NMNAT3: variants seen among roughly 807,000 people sequenced by gnomAD.
NMNAT3 encodes nicotinamide nucleotide adenylyltransferase 3.
Under a neutral mutation model 24.8 loss-of-function variants are expected in NMNAT3, and 21 were observed. The ratio of observed to expected loss-of-function variants is 0.85; its 90% CI spans 0.60 to 1.22. The LOEUF (loss-of-function observed/expected upper bound fraction) is 1.22, where lower values mean the gene tolerates loss of function less well. Among genes scored for constraint, NMNAT3 ranks in the 50% most tolerant of loss-of-function variants. NMNAT3 has a pLI of 0.00. For missense variants in NMNAT3, 387 were observed against 436.6 expected (o/e 0.89, Z 1.01); for synonymous variants, 136 against 155.2 (o/e 0.88, Z 0.92).
intron 6 of NMNAT3, among the ~76,000 whole-genome samples, chr3:139,572,617 AC>A (rs1239879815): frequency 6.6e-6 from 1 of 152,054 alleles, no homozygotes; most frequent in African/African-American, 2.4e-5. Context: ...GTTGCATGGC[AC>A]CTTTAGGGCC....
At chr3:139,571,305 G>T (rs1295793411) in intron 6 of NMNAT3, 2 of 152,228 alleles carry the variant, frequency 1.3e-5, no homozygotes, top group African/African-American at 4.8e-5. Flanking sequence ...CCCGGGTGAG[G>T]CAATGCCTCG....
chr3:139,664,565 G>A (rs984330162), intron 1 of NMNAT3, among the ~76,000 whole-genome samples: 4 of 152,188 alleles, frequency 2.6e-5, no homozygotes, highest in African/African-American at 9.7e-5. Context: ...CCAACTCAGT[G>A]GTAATAAGAG....
chr3:139,586,082 A>T (rs1318957586), intron 3 of NMNAT3, among the ~76,000 whole-genome samples: 1 of 152,202 alleles, frequency 6.6e-6, no homozygotes, highest in Non-Finnish European at 1.5e-5. Flanking sequence ...TTTATCTCTC[A>T]GCTTTTTAGC....
At chr3:139,643,174 G>A (rs946002643) in intron 1 of NMNAT3, among the ~76,000 whole-genome samples, 17 of 152,170 alleles carry the variant, frequency 1.1e-4, no homozygotes, top group African/African-American at 3.9e-4. Flanking sequence ...GAGAAACCAC[G>A]TCCTGTTAGA....
intron 3 of NMNAT3, among the ~76,000 whole-genome samples, chr3:139,619,258 A>T (rs1303586764): frequency 6.6e-6 from 1 of 152,194 alleles, no homozygotes; most frequent in Non-Finnish European, 1.5e-5. Context: ...TGGCAACCCA[A>T]TGTACAACAC....
intron 3 of NMNAT3, among the ~76,000 whole-genome samples, chr3:139,626,972 T>A (rs541298500): frequency 6.6e-6 from 1 of 152,270 alleles, no homozygotes; most frequent in South Asian, 2.1e-4. Context: ...ATATACTCGA[T>A]AGCAACAGAT....
intron 3 of NMNAT3, chr3:139,609,622 A>C (rs2055108229): frequency 6.7e-6 from 1 of 150,114 alleles, no homozygotes. Context: ...TCTAAACACT[A>C]GTCCCTTGTC....
At chr3:139,638,196 C>G (rs2056573073) in intron 1 of NMNAT3, 134 bp from the exon 2 acceptor site, 1 of 152,246 alleles carries the variant, frequency 6.6e-6, no homozygotes, top group Non-Finnish European at 1.5e-5. Flanking sequence ...ATTTCTGCAT[C>G]CTAATCTGGG....
At position 139,582,976 on chromosome 3, in the gene NMNAT3, A is replaced by T; in HGVS notation, c.342T>A (p.Asp114Glu). 1.9e-6 allele frequency: 3 copies of T among 1,572,694 alleles called. No homozygotes were observed. Among genetic ancestry groups the T allele is most frequent in the Non-Finnish European group, 2.6e-6 (3 of 1,162,684 alleles). Residue 114 changes from aspartate (D) to glutamate (E), a missense_variant, in exon 4 of 7, where the codon GAT becomes GAA. By Grantham distance (45) the Asp-to-Glu change is conservative. Transcript: ENST00000643695. ...TTTTGTTTGTTTGGTTCCAGGTGCT[A>T]TCTATAAATATAATTTTTTTCAGTG... is the stretch of plus-strand genomic sequence containing the variant.
chr3:139,651,214 T>C (rs2057045074), intron 1 of NMNAT3, among the ~76,000 whole-genome samples: 1 of 152,146 alleles, frequency 6.6e-6, no homozygotes, highest in Admixed American at 6.5e-5. Flanking sequence ...TGGTAGAAAG[T>C]ATAATATATA....
At chr3:139,575,855 C>G in intron 5 of NMNAT3, 4 of 1,239,998 alleles carry the variant, frequency 3.2e-6, no homozygotes, top group Non-Finnish European at 3.1e-6. Flanking sequence ...TAAAGCCAGC[C>G]ACATCATGTT....
chr3:139,646,895 G>C (rs1208306078), intron 1 of NMNAT3, among the ~76,000 whole-genome samples: 1 of 152,228 alleles, frequency 6.6e-6, no homozygotes, highest in Non-Finnish European at 1.5e-5. Context: ...CCTTATCCTT[G>C]TATTTGAATG....
chr3:139,591,380 C>T (rs1306179298), intron 3 of NMNAT3, among the ~76,000 whole-genome samples: 9 of 152,084 alleles, frequency 5.9e-5, no homozygotes, highest in African/African-American at 2.2e-4. Flanking sequence ...AAGGCGGCAA[C>T]GAGGCTCGGG....
intron 4 of NMNAT3, among the ~76,000 whole-genome samples, chr3:139,581,846 G>A (rs2053633477): frequency 6.6e-6 from 1 of 151,884 alleles, no homozygotes; most frequent in Non-Finnish European, 1.5e-5. Context: ...TAATACTCTT[G>A]AAACATACGT....
intron 3 of NMNAT3, among the ~76,000 whole-genome samples, chr3:139,593,513 T>G (rs1276510118): frequency 6.6e-6 from 1 of 152,184 alleles, no homozygotes; most frequent in African/African-American, 2.4e-5. Context: ...TATACATTTT[T>G]TTCAGCACCA....
intron 2 of NMNAT3, among the ~76,000 whole-genome samples, chr3:139,632,319 A>G (rs1255657284): frequency 6.6e-6 from 1 of 152,052 alleles, no homozygotes; most frequent in East Asian, 1.9e-4. Context: ...ACCCGACTCA[A>G]TCTGAAACTT....
chr3:139,591,476 G>A (rs1227024914), intron 3 of NMNAT3, among the ~76,000 whole-genome samples: 1 of 152,152 alleles, frequency 6.6e-6, no homozygotes, highest in East Asian at 1.9e-4. Context: ...CACAGCTCAA[G>A]GAGGCCTGCC....
At chr3:139,675,472 C>T (rs2057899660) in intron 1 of NMNAT3, among the ~76,000 whole-genome samples, 1 of 152,184 alleles carries the variant, frequency 6.6e-6, no homozygotes, top group Admixed American at 6.5e-5. Flanking sequence ...TTTTGCTACG[C>T]TTTCTTTGGC....
intron 3 of NMNAT3, among the ~76,000 whole-genome samples, chr3:139,588,554 C>T (rs1002553995): frequency 2.0e-5 from 3 of 151,984 alleles, no homozygotes; most frequent in African/African-American, 7.3e-5. Context: ...GCAGGGAAGG[C>T]AGTAAGAGGC....
Sources: allele counts gnomAD v4.1 joint callset (sites outside exome capture counted in the v4.1 genomes callset), GRCh38; gene constraint gnomAD v4.1.1; transcripts MANE v1.5; gene names NCBI Gene and HGNC (gene_info 2026-07-23, HGNC 2026-07-21).